Variants in ADGRL3 observed in about 807,000 individuals in gnomAD.
ADGRL3 encodes the protein adhesion G protein-coupled receptor L3.
ADGRL3 carries 62 observed loss-of-function variants against 153.5 expected under a neutral mutation model. The observed-to-expected ratio is 0.40, with a 90% confidence interval of 0.33 to 0.50. The LOEUF is 0.50. Among genes scored for constraint, ADGRL3 ranks in the 20% least tolerant of loss-of-function variants. The pLI is 0.47. For missense variants in ADGRL3, 1,641 were observed against 1,859.4 expected (o/e 0.88, Z 2.16); for synonymous variants, 710 against 672.5 (o/e 1.06, Z -0.86).
chr4:61,536,620 C>T (rs1365193926), intron 4 of ADGRL3, among the ~76,000 whole-genome samples: 2 of 151,690 alleles, frequency 1.3e-5, no homozygotes, highest in Admixed American at 6.6e-5. Flanking sequence ...TGCATTGAAC[C>T]CTTTATCATT....
At chr4:61,949,779 CTT>C (rs2098940128) in intron 17 of ADGRL3, among the ~76,000 whole-genome samples, 1 of 151,994 alleles carries the variant, frequency 6.6e-6, no homozygotes, top group African/African-American at 2.4e-5. Context: ...ATGCATTAGT[CTT>C]TAAGATTATT....
At position 61,270,887 on chromosome 4, in the gene ADGRL3, G is replaced by GTAAT. The variant is rs918583998; in HGVS notation, c.-240+69123_-240+69126dup. On this transcript the variant is annotated intron_variant, in intron 1 of 26. Transcript: ENST00000683033. ...GTTTTCTAAGTTCAAATAGAAAAGG[G>GTAAT]TAATATTCATATGGCACTTTTGTAC... is the stretch of plus-strand genomic sequence containing the variant. Among the ~76,000 whole-genome samples, 31 of 151,730 alleles carry GTAAT rather than the reference G, an allele frequency of 2.0e-4. No homozygotes were observed. The Middle Eastern group carries it at 0.031, about 150-fold the overall frequency.
At chr4:61,645,120 T>G (rs1249052202) in intron 5 of ADGRL3, among the ~76,000 whole-genome samples, 1 of 7,418 alleles carries the variant, frequency 1.3e-4, no homozygotes, top group East Asian at 5.5e-3. Context: ...TGCCTTTTTT[T>G]GTTTTCCATT....
At chr4:61,877,010 G>C (rs558504948) in intron 9 of ADGRL3, among the ~76,000 whole-genome samples, 1 of 152,100 alleles carries the variant, frequency 6.6e-6, no homozygotes, top group Non-Finnish European at 1.5e-5. Flanking sequence ...AGAAGAGAAA[G>C]AGCAAAGGTG....
intron 3 of ADGRL3, among the ~76,000 whole-genome samples, chr4:61,508,791 C>A (rs2098446158): frequency 6.6e-6 from 1 of 152,066 alleles, no homozygotes; most frequent in Non-Finnish European, 1.5e-5. Context: ...TTTCATGCTG[C>A]TGATAAAGAC....
chr4:61,409,221 T>TATATATTATATATATTAGACATACATA (rs1305353952), intron 2 of ADGRL3, among the ~76,000 whole-genome samples: 2 of 144,146 alleles, frequency 1.4e-5, no homozygotes, highest in African/African-American at 5.0e-5. Flanking sequence ...ACATACATAA[T>TATATATTATATATATTAGACATACATA]ATATATTATA....
chr4:61,433,755 C>A (rs1280630459), intron 2 of ADGRL3, among the ~76,000 whole-genome samples: 1 of 152,110 alleles, frequency 6.6e-6, no homozygotes, highest in African/African-American at 2.4e-5. Flanking sequence ...TAATCAGCTG[C>A]CTAATTGACA....
chr4:61,449,824 A>T (rs2097652301), intron 2 of ADGRL3, among the ~76,000 whole-genome samples: 1 of 152,178 alleles, frequency 6.6e-6, no homozygotes, highest in Non-Finnish European at 1.5e-5. Flanking sequence ...TTCACTGGAC[A>T]CACTTAATAT....
rs1325514222 is a variant in ADGRL3, at chr4:61,930,603, T to G, written c.2113-4237T>G. On this transcript the variant is annotated intron_variant, in intron 13 of 26. Transcript: ENST00000683033. ...CAGAGTTATATGCTATGAGTAATAT[T>G]CGTCAACTGAATTTGCCTAAGGTCT... Among the ~76,000 whole-genome samples the G allele has an allele frequency of 4.6e-5, 7 of 152,238 alleles. No individual in the cohort carries two copies. In the East Asian group the frequency reaches 1.4e-3, roughly 29 times the overall value.
At chr4:61,614,734 A>T (rs539761337) in intron 5 of ADGRL3, among the ~76,000 whole-genome samples, 1 of 152,304 alleles carries the variant, frequency 6.6e-6, no homozygotes, top group East Asian at 1.9e-4. Flanking sequence ...AATAGAAGTC[A>T]TAGCACCCAC....
chr4:61,347,444 T>G (rs772406834), intron 1 of ADGRL3, among the ~76,000 whole-genome samples: 11 of 152,146 alleles, frequency 7.2e-5, no homozygotes, highest in Non-Finnish European at 1.3e-4. Flanking sequence ...GTATTCAGTA[T>G]GTAATTCATG....
At chr4:62,016,422 A>G (rs2099212161) in intron 21 of ADGRL3, among the ~76,000 whole-genome samples, 1 of 152,136 alleles carries the variant, frequency 6.6e-6, no homozygotes, top group South Asian at 2.1e-4. Flanking sequence ...TTTGAAGGAT[A>G]TTTTCCATTT....
At chr4:61,561,154 C>A (rs1391671378) in intron 4 of ADGRL3, among the ~76,000 whole-genome samples, 1 of 152,038 alleles carries the variant, frequency 6.6e-6, no homozygotes, top group Non-Finnish European at 1.5e-5. Context: ...AGATTCAGTT[C>A]TATTAGGATG....
At chr4:61,651,714 T>TC (rs1282187406) in intron 5 of ADGRL3, among the ~76,000 whole-genome samples, 2 of 151,766 alleles carry the variant, frequency 1.3e-5, no homozygotes, top group Non-Finnish European at 2.9e-5. Flanking sequence ...TTCAAGCAAT[T>TC]CCCTCGCCTC....
chr4:61,754,840 A>G (rs1156615891), intron 8 of ADGRL3, among the ~76,000 whole-genome samples: 3 of 151,916 alleles, frequency 2.0e-5, no homozygotes, highest in South Asian at 2.1e-4. Context: ...TCATTGTTCA[A>G]TTCCCACCTA....
chr4:61,595,845 G>A (rs1368613771), intron 5 of ADGRL3, among the ~76,000 whole-genome samples: 1 of 152,144 alleles, frequency 6.6e-6, no homozygotes, highest in Admixed American at 6.6e-5. Flanking sequence ...TGGGATGAGT[G>A]ATTCCCCTCT....
intron 8 of ADGRL3, among the ~76,000 whole-genome samples, chr4:61,790,867 T>C (rs1039254353): frequency 6.6e-6 from 1 of 152,094 alleles, no homozygotes; most frequent in African/African-American, 2.4e-5. Flanking sequence ...GAGAGAGAGC[T>C]TGTGCAGGGG....
chr4:61,739,632 A>G (rs2096560091), intron 8 of ADGRL3, among the ~76,000 whole-genome samples: 1 of 152,122 alleles, frequency 6.6e-6, no homozygotes, highest in African/African-American at 2.4e-5. Flanking sequence ...TCTAAATGTG[A>G]TTTATTAAGA....
At chr4:61,989,300 T>A (rs1394830491) in intron 19 of ADGRL3, among the ~76,000 whole-genome samples, 1 of 152,108 alleles carries the variant, frequency 6.6e-6, no homozygotes, top group Non-Finnish European at 1.5e-5. Flanking sequence ...AGTATTTTGC[T>A]AAGCAATTAT....
Sources: allele counts gnomAD v4.1 joint callset (sites outside exome capture counted in the v4.1 genomes callset), GRCh38; gene constraint gnomAD v4.1.1; transcripts MANE v1.5; gene names NCBI Gene and HGNC (gene_info 2026-07-23, HGNC 2026-07-21).